The following ELAPOR1 variants were observed in gnomAD, a reference collection of about 807,000 sequenced individuals.
ELAPOR1 encodes the protein endosome/lysosome-associated apoptosis and autophagy regulator 1.
A neutral mutation model predicts 119.7 loss-of-function variants in ELAPOR1; 77 were observed. The observed-to-expected ratio is 0.64, with a 90% CI of 0.54 to 0.78. ELAPOR1 has a LOEUF of 0.78. ELAPOR1 is among the 30% of genes least tolerant of loss of function. ELAPOR1 has a pLI of 0.00. For missense variants in ELAPOR1, 1,115 were observed against 1,270.4 expected (o/e 0.88, Z 1.86); for synonymous variants, 481 against 487.2 (o/e 0.99, Z 0.17).
At chr1:109,194,380 C>T (rs762576552) in intron 14 of ELAPOR1, 41 bp from the exon 15 acceptor site, 1 of 1,590,000 alleles carries the variant, frequency 6.3e-7, no homozygotes, top group East Asian at 2.2e-5. Flanking sequence ...CCTCAAGGCC[C>T]TTCCTGACCA....
intron 1 of ELAPOR1, among the ~76,000 whole-genome samples, chr1:109,144,061 A>ATATATATATATTT: frequency 7.4e-4 from 66 of 88,950 alleles, no homozygotes; most frequent in East Asian, 9.0e-4. Flanking sequence ...ATATTTATAT[A>ATATATATATATTT]TTTTTTTTTT....
At chr1:109,153,634 T>C in intron 1 of ELAPOR1, among the ~76,000 whole-genome samples, 1 of 151,946 alleles carries the variant, frequency 6.6e-6, no homozygotes, top group Non-Finnish European at 1.5e-5. Flanking sequence ...TTTTGTTTTG[T>C]TTTGTTTTGT....
intron 7 of ELAPOR1, among the ~76,000 whole-genome samples, chr1:109,175,032 G>C (rs1399985225): frequency 6.6e-6 from 1 of 151,778 alleles, no homozygotes; most frequent in Non-Finnish European, 1.5e-5. Context: ...CAATCTTTTT[G>C]TTGCTGTTGT....
chr1:109,187,778 G>A (rs1653147665), intron 8 of ELAPOR1: 1 of 808,238 alleles, frequency 1.2e-6, no homozygotes, highest in Middle Eastern at 3.1e-4. Context: ...GTCCCCGGGG[G>A]ACATCTGAGC....
intron 7 of ELAPOR1, among the ~76,000 whole-genome samples, chr1:109,179,906 C>CA (rs374570320): frequency 7.3e-5 from 11 of 150,458 alleles, no homozygotes; most frequent in East Asian, 1.9e-4. Context: ...AACTCCATCT[C>CA]AAAAAAAAAG....
chr1:109,191,818 C>T lies in ELAPOR1; in HGVS notation c.1638C>T (p.Thr546=), dbSNP rs777760709. The T allele has an allele frequency of 3.1e-6, 5 of 1,614,164 alleles. No homozygotes were observed. Among genetic ancestry groups the T allele is most frequent in the Non-Finnish European group, 4.2e-6 (5 of 1,180,020 alleles). The part of the protein sequence containing the change: ...SYTYIIEENT[T]TSFTWAFQRT... Reference sequence around the variant, plus strand: ...CCTACATCATTGAGGAGAACACTACCACGAGCTTCACCTGGGCCTTCCAGA... The same window carrying T: ...CCTACATCATTGAGGAGAACACTACTACGAGCTTCACCTGGGCCTTCCAGA... Residue 546 remains threonine (T), a synonymous_variant, in exon 13 of 22, where the codon ACC becomes ACT. Coordinates refer to ENST00000369939, the MANE Select transcript of ELAPOR1 (RefSeq NM_020775.5).
intron 1 of ELAPOR1, among the ~76,000 whole-genome samples, chr1:109,128,562 T>C (rs112174862): frequency 6.6e-5 from 10 of 152,214 alleles, no homozygotes; most frequent in African/African-American, 2.4e-4. Flanking sequence ...TCCCAAGGCA[T>C]CCTTGCCAGC....
chr1:109,187,959 C>T (rs894309954), intron 8 of ELAPOR1: 7 of 1,296,220 alleles, frequency 5.4e-6, no homozygotes, highest in Non-Finnish European at 5.9e-6. Flanking sequence ...ACCCAGGCAA[C>T]ATTCATTTGG....
rs376653203 is a variant in ELAPOR1, at chr1:109,197,657, G to A, written c.2302+3G>A. The A allele has an allele frequency of 1.1e-5, 18 of 1,612,844 alleles. No individual in the cohort carries two copies. Among genetic ancestry groups the A allele is most frequent in the Non-Finnish European group, 1.4e-5 (17 of 1,179,372 alleles). On this transcript the variant is annotated splice_donor_region_variant and intron_variant, in intron 16 of 21. Transcript: ENST00000369939. ...CAGCCTTGCTGATCGACTTATTGGT[G>A]AGTAACTCCGCTGCCTCAGCCTTGT...
rs892956897 is a variant in ELAPOR1, at chr1:109,204,805, C to G, written c.*1793C>G. On this transcript the variant is annotated 3_prime_UTR_variant, in exon 22 of 22. Transcript: ENST00000369939. ...TTTCACTGGGCCCAGCATGGTGGCT[C>G]ACACCTGTAATCCCAAGGCAGAATG... 6.6e-6 allele frequency: 1 copy of G among 152,290 alleles called. No individual in the cohort carries two copies. Among genetic ancestry groups the G allele is most frequent in the Non-Finnish European group, 1.5e-5 (1 of 68,104 alleles). The allele number at this position is 152,290 out of a possible 1,614,324, so 9.4% of individuals were successfully genotyped here.
At chr1:109,116,552 C>T (rs1648016340) in intron 1 of ELAPOR1, among the ~76,000 whole-genome samples, 1 of 152,080 alleles carries the variant, frequency 6.6e-6, no homozygotes, top group Non-Finnish European at 1.5e-5. Context: ...AACTCCAAAA[C>T]AATCAGGGAG....
intron 8 of ELAPOR1, chr1:109,187,354 A>G: frequency 1.0e-6 from 1 of 985,492 alleles, no homozygotes; most frequent in Non-Finnish European, 1.2e-6. Context: ...TGAGCAGGGG[A>G]AGGAGGAGCC....
intron 1 of ELAPOR1, among the ~76,000 whole-genome samples, chr1:109,140,952 A>C (rs917393630): frequency 2.6e-5 from 4 of 152,062 alleles, no homozygotes; most frequent in African/African-American, 9.7e-5. Flanking sequence ...CCCGGGTTCA[A>C]GTGATCCTTG....
At chr1:109,188,088 C>T in intron 8 of ELAPOR1, 89 bp from the exon 9 acceptor site, 1 of 1,499,012 alleles carries the variant, frequency 6.7e-7, no homozygotes, top group Non-Finnish European at 8.9e-7. Context: ...GAATCTGGAT[C>T]TCTGCCCCCA....
intron 14 of ELAPOR1, among the ~76,000 whole-genome samples, chr1:109,194,075 T>C (rs544549754): frequency 6.6e-6 from 1 of 152,198 alleles, no homozygotes; most frequent in African/African-American, 2.4e-5. Flanking sequence ...TTCTGGTTAG[T>C]GCCTCATTGT....
chr1:109,167,000 GTTATT>G (rs1000014361), intron 3 of ELAPOR1, among the ~76,000 whole-genome samples: 6 of 152,300 alleles, frequency 3.9e-5, no homozygotes, highest in African/African-American at 1.4e-4. Context: ...TTAATGTTAT[GTTATT>G]TTAGAGTTCA....
intron 1 of ELAPOR1, among the ~76,000 whole-genome samples, chr1:109,141,233 G>A (rs566690024): frequency 1.3e-5 from 2 of 152,086 alleles, no homozygotes; most frequent in East Asian, 3.9e-4. Context: ...AATATAAATT[G>A]TTAGCAGATA....
intron 7 of ELAPOR1, among the ~76,000 whole-genome samples, chr1:109,183,839 C>T (rs540148867): frequency 6.6e-6 from 1 of 152,148 alleles, no homozygotes; most frequent in Non-Finnish European, 1.5e-5. Flanking sequence ...TGGTCTTGAA[C>T]TCCTGGGCTC....
chr1:109,196,869 G>A (rs1170894489), intron 15 of ELAPOR1, among the ~76,000 whole-genome samples: 1 of 152,158 alleles, frequency 6.6e-6, no homozygotes, highest in Admixed American at 6.5e-5. Context: ...TTTTAGTAAA[G>A]ACGGGGTTTC....
Sources: allele counts gnomAD v4.1 joint callset (sites outside exome capture counted in the v4.1 genomes callset), GRCh38; gene constraint gnomAD v4.1.1; transcripts MANE v1.5; gene names NCBI Gene and HGNC (gene_info 2026-07-23, HGNC 2026-07-21).